The following PTPRD variants were observed in gnomAD, a reference collection of about 807,000 sequenced individuals.
The protein encoded by PTPRD is protein tyrosine phosphatase receptor type D.
A neutral mutation model predicts 214.5 loss-of-function variants in PTPRD; 34 were observed. That is an observed-to-expected ratio of 0.16 (90% CI 0.12 to 0.21). The LOEUF (loss-of-function observed/expected upper bound fraction) is 0.21. Among genes scored for constraint, PTPRD ranks in the 10% least tolerant of loss-of-function variants. The pLI is 1.00. For synonymous variants in PTPRD, 1,128 were observed against 845.7 expected (o/e 1.33, Z -5.79); for missense variants, 2,545 against 2,398.7 (o/e 1.06, Z -1.27).
At chr9:9,029,564 A>G (rs2099598039) in intron 10 of PTPRD, among the ~76,000 whole-genome samples, 1 of 151,928 alleles carries the variant, frequency 6.6e-6, no homozygotes, top group South Asian at 2.1e-4. Flanking sequence ...CAGAATAATT[A>G]ACACCAGTGA....
At position 10,200,289 on chromosome 9, in the gene PTPRD, T is replaced by C. The variant is rs115155238; in HGVS notation, c.-545+140674A>G. ...GACTGATAAGCTGACTGGTATAACA[T>C]ATAGATCAGTGGTTTTCAACTGGGA... On this transcript the variant is annotated intron_variant, in intron 3 of 45. Transcript: ENST00000381196. Among the ~76,000 whole-genome samples, 417 of 152,242 alleles carry C rather than the reference T, an allele frequency of 2.7e-3. 2 individuals are homozygous for C. Among genetic ancestry groups the C allele is most frequent in the African/African-American group, 7.4e-3 (307 of 41,556 alleles).
At chr9:8,369,679 T>G (rs1205605395) in intron 39 of PTPRD, among the ~76,000 whole-genome samples, 1 of 152,010 alleles carries the variant, frequency 6.6e-6, no homozygotes, top group East Asian at 1.9e-4. Flanking sequence ...TTTTCAATTT[T>G]TTTCATAAAT....
At chr9:9,782,171 T>A (rs2098850584) in intron 5 of PTPRD, among the ~76,000 whole-genome samples, 1 of 152,178 alleles carries the variant, frequency 6.6e-6, no homozygotes, top group Non-Finnish European at 1.5e-5. Context: ...CCAGAAATTT[T>A]CATAATATCC....
chr9:8,602,921 G>C (rs922251951), intron 14 of PTPRD, among the ~76,000 whole-genome samples: 2 of 151,986 alleles, frequency 1.3e-5, no homozygotes, highest in Non-Finnish European at 2.9e-5. Flanking sequence ...AAACTCATTC[G>C]ATATAATCCC....
At chr9:9,056,222 G>C (rs945867485) in intron 10 of PTPRD, among the ~76,000 whole-genome samples, 2 of 152,096 alleles carry the variant, frequency 1.3e-5, no homozygotes, top group African/African-American at 4.8e-5. Context: ...ACTTTACAAG[G>C]AATAATGCGT....
At chr9:9,914,273 C>A (rs1436794644) in intron 5 of PTPRD, among the ~76,000 whole-genome samples, 1 of 152,196 alleles carries the variant, frequency 6.6e-6, no homozygotes, top group Admixed American at 6.5e-5. Flanking sequence ...ATGTCTCTGG[C>A]TTGCTTAACA....
Position 8,831,734 on chromosome 9 carries a change from T to C in PTPRD, c.-103-97788A>G, listed in dbSNP as rs559642763. On this transcript the variant is annotated intron_variant, in intron 11 of 45. Coordinates refer to ENST00000381196, the MANE Select transcript of PTPRD (RefSeq NM_002839.4). ...AGAATGAATTTTATCATTCTGAAAA[T>C]TCTCTGCTATTGGTTTCAACACTGT... Among the ~76,000 whole-genome samples the C allele has an allele frequency of 7.2e-5, 11 of 152,308 alleles. No individual in the cohort carries two copies. The South Asian group carries it at 2.3e-3, about 32-fold the overall frequency.
chr9:10,475,521 C>A (rs1404491104), intron 2 of PTPRD, among the ~76,000 whole-genome samples: 1 of 151,976 alleles, frequency 6.6e-6, no homozygotes, highest in Non-Finnish European at 1.5e-5. Flanking sequence ...AAGCCCAGGA[C>A]CAGATGGATT....
intron 10 of PTPRD, among the ~76,000 whole-genome samples, chr9:9,100,901 C>T (rs183256552): frequency 8.5e-5 from 13 of 152,064 alleles, no homozygotes; most frequent in East Asian, 3.9e-4. Context: ...TAATCATAAA[C>T]AGAAATTTGA....
chr9:8,960,035 A>G (rs903532052), intron 11 of PTPRD, among the ~76,000 whole-genome samples: 9 of 152,012 alleles, frequency 5.9e-5, no homozygotes, highest in African/African-American at 2.2e-4. Context: ...AAATTTACCA[A>G]TATTGTAGGG....
intron 8 of PTPRD, among the ~76,000 whole-genome samples, chr9:9,457,035 T>C (rs1410013004): frequency 6.6e-6 from 1 of 152,012 alleles, no homozygotes; most frequent in Middle Eastern, 3.4e-3. Flanking sequence ...AGGGCAACTC[T>C]CTCTGTAAGG....
At chr9:9,874,816 C>T (rs898439104) in intron 5 of PTPRD, among the ~76,000 whole-genome samples, 1 of 152,090 alleles carries the variant, frequency 6.6e-6, no homozygotes, top group Non-Finnish European at 1.5e-5. Flanking sequence ...TAGATCTAAA[C>T]CTTAATATTT....
At chr9:10,052,749 C>T (rs967041685) in intron 3 of PTPRD, among the ~76,000 whole-genome samples, 2 of 152,040 alleles carry the variant, frequency 1.3e-5, no homozygotes, top group Non-Finnish European at 2.9e-5. Context: ...TTCTTTCTAT[C>T]GAAATTCTTT....
chr9:10,362,116 G>A (rs1345098243), intron 2 of PTPRD, among the ~76,000 whole-genome samples: 1 of 152,128 alleles, frequency 6.6e-6, no homozygotes, highest in East Asian at 1.9e-4. Context: ...TCCACTGGTG[G>A]CTGATTTCAT....
At chr9:8,421,392 T>A (rs2131596560) in intron 35 of PTPRD, among the ~76,000 whole-genome samples, 1 of 137,090 alleles carries the variant, frequency 7.3e-6, no homozygotes, top group Admixed American at 7.4e-5. Context: ...CTCTCTTTCT[T>A]TCTTTCTCTC....
rs764604303 is a variant in PTPRD at position 8,518,214 on chromosome 9, C to T, written c.1177G>A (p.Val393Ile). 6.2e-7 allele frequency: 1 copy of T among 1,614,138 alleles called. No homozygotes were observed. Among genetic ancestry groups the T allele is most frequent in the Admixed American group, 1.7e-5 (1 of 60,022 alleles). Reference sequence around the variant, plus strand: ...CGCCCAATGTTATTGACAGCAACAACCCTGAATTCATAATCCGAGTAGGGA... The same window carrying T: ...CGCCCAATGTTATTGACAGCAACAATCCTGAATTCATAATCCGAGTAGGGA... ...LSPYSDYEFR[V>I]VAVNNIGRGP... Residue 393 changes from valine (V) to isoleucine (I), a missense_variant, in exon 21 of 46, where the codon GTT (valine) becomes ATT (isoleucine). Coordinates refer to ENST00000381196, the MANE Select transcript of PTPRD (RefSeq NM_002839.4).
intron 11 of PTPRD, among the ~76,000 whole-genome samples, chr9:8,803,737 T>C (rs2096617167): frequency 6.8e-6 from 1 of 147,270 alleles, no homozygotes. Context: ...CTGTCTCAAA[T>C]TAAAAAAAAA....
intron 35 of PTPRD, among the ~76,000 whole-genome samples, chr9:8,421,637 T>A (rs776886631): frequency 1.8e-4 from 28 of 152,128 alleles, no homozygotes; most frequent in Non-Finnish European, 3.8e-4. Flanking sequence ...TACTCAAGCC[T>A]CAAGCTGGAG....
intron 5 of PTPRD, among the ~76,000 whole-genome samples, chr9:9,881,955 C>A (rs1298836508): frequency 1.3e-5 from 2 of 152,066 alleles, no homozygotes; most frequent in Non-Finnish European, 2.9e-5. Context: ...ACACCCTGGG[C>A]CTGTAAAACC....
Sources: allele counts gnomAD v4.1 joint callset (sites outside exome capture counted in the v4.1 genomes callset), GRCh38; gene constraint gnomAD v4.1.1; transcripts MANE v1.5; gene names NCBI Gene and HGNC (gene_info 2026-07-23, HGNC 2026-07-21).